Variants in CDKN2A observed in about 807,000 individuals in gnomAD.
CDKN2A encodes cyclin dependent kinase inhibitor 2A.
CDKN2A carries 3 observed loss-of-function variants against 11.1 expected under a neutral mutation model. The ratio of observed to expected loss-of-function variants is 0.27; its 90% CI spans 0.12 to 0.70. The LOEUF is 0.70. Among genes scored for constraint, CDKN2A ranks in the 30% least tolerant of loss-of-function variants. CDKN2A has a pLI of 0.77. For synonymous variants in CDKN2A, 122 were observed against 108.1 expected, an observed-to-expected ratio of 1.13 and a Z score of -0.80; for missense variants, 265 against 233.6, an observed-to-expected ratio of 1.13 and a Z score of -0.88.
exon 2 of CDKN2A, chr9:21,994,039 T>A: frequency 7.3e-7 from 1 of 1,363,128 alleles, no homozygotes; most frequent in South Asian, 1.2e-5. Context: ...TATCTCCTCC[T>A]CCTCCTAGCC....
intron 1 of CDKN2A, among the ~76,000 whole-genome samples, chr9:21,973,818 T>C (rs186070550): frequency 1.1e-4 from 17 of 152,276 alleles, no homozygotes; most frequent in Admixed American, 9.8e-4. Context: ...AGCAAACATA[T>C]ATTTATTTGC....
intron 2 of CDKN2A, among the ~76,000 whole-genome samples, chr9:21,985,484 TA>T (rs1399541556): frequency 4.0e-5 from 6 of 151,748 alleles, no homozygotes; most frequent in Non-Finnish European, 8.8e-5. Context: ...AAAGAATTTT[TA>T]GAAAATTGTT....
intron 2 of CDKN2A, among the ~76,000 whole-genome samples, chr9:21,980,056 T>A (rs946573908): frequency 6.6e-6 from 1 of 152,184 alleles, no homozygotes; most frequent in African/African-American, 2.4e-5. Context: ...ATAAGCAAGA[T>A]GATTTTGTTA....
upstream of CDKN2A, chr9:21,975,144 C>T: frequency 8.3e-7 from 1 of 1,204,858 alleles, no homozygotes; most frequent in Non-Finnish European, 1.0e-6. Context: ...CCAGAGCCAG[C>T]GTTGGCAAGG....
chr9:21,981,392 A>C (rs970000386), intron 2 of CDKN2A, among the ~76,000 whole-genome samples: 11 of 151,662 alleles, frequency 7.3e-5, no homozygotes, highest in Non-Finnish European at 1.6e-4. Flanking sequence ...AGAATTCCTT[A>C]GGAAGTAGCT....
chr9:21,994,670 C>G, intron 1 of CDKN2A: 1 of 334,724 alleles, frequency 3.0e-6, no homozygotes, highest in Non-Finnish European at 5.4e-6. Flanking sequence ...CCTACCGCCA[C>G]TTTCCCGCCC....
rs1820425592 is a variant in CDKN2A at position 21,991,380 on chromosome 9, G to GTCTATTGTTCTCATATTTA, written c.-4+2501_-4+2502insTAAATATGAGAACAATAGA. ...CCAAGACAATTCTTCTTCTTCCTAT[G>GTCTATTGTTCTCATATTTA]TGGCCCAGGGAAGGTAAAAGATTGA... is the stretch of plus-strand genomic sequence containing the variant. On this transcript the variant is annotated intron_variant, in intron 2 of 3. Transcript: ENST00000494262. This position sits in a 1 kb window ranked among gnomAD's most constrained non-coding sequence, Gnocchi z 5.2. Among the ~76,000 whole-genome samples, 1 of 150,216 alleles carries GTCTATTGTTCTCATATTTA rather than the reference G, an allele frequency of 6.7e-6. No homozygotes were observed. Among genetic ancestry groups the GTCTATTGTTCTCATATTTA allele is most frequent in the Admixed American group, 6.6e-5 (1 of 15,070 alleles).
intron 2 of CDKN2A, chr9:21,989,426 A>T (rs899549934): frequency 2.6e-5 from 4 of 152,136 alleles, no homozygotes; most frequent in Non-Finnish European, 5.9e-5. Flanking sequence ...CTGCAATATA[A>T]GAAGAAAACA....
rs557588424 is a variant in CDKN2A at position 21,981,941 on chromosome 9, A to C, written c.-3-10733T>G. Among the ~76,000 whole-genome samples the C allele has an allele frequency of 2.0e-5, 3 of 152,326 alleles. No homozygotes were observed. In the South Asian group the frequency reaches 6.2e-4, roughly 32 times the overall value. The stretch of plus-strand genomic sequence containing the variant: ...CCTCCAAACAGATTTGCTAAGAAAA[A>C]ACAATGTGTCCCTGGGAGTAGATCT... On this transcript the variant is annotated intron_variant, in intron 2 of 3. Transcript: ENST00000494262.
chr9:21,994,489 G>C, intron 1 of CDKN2A: 1 of 1,448,344 alleles, frequency 6.9e-7, no homozygotes, highest in Non-Finnish European at 9.0e-7. Flanking sequence ...CCTTCCCTGA[G>C]CGCGCCCGCC....
Position 21,991,981 on chromosome 9 carries a change from T to C in CDKN2A, c.-4+1901A>G. 1.0e-6 allele frequency: 1 copy of C among 983,186 alleles called. No individual in the cohort carries two copies. The highest frequency in any genetic ancestry group is 1.2e-6 in the Non-Finnish European group (1 of 827,864). 60.9% of individuals were successfully genotyped at this position (983,186 alleles called of 1,614,324 possible). A position where few individuals can be genotyped will look rare whatever the true frequency, so the allele number is the denominator to read the frequency against. On this transcript the variant is annotated intron_variant, in intron 2 of 3. Coordinates refer to the CDKN2A transcript ENST00000494262. The surrounding 1 kb of genome is among the most constrained non-coding windows in gnomAD (Gnocchi z 5.2). The stretch of plus-strand genomic sequence containing the variant: ...AATATTTAACTTCATAATAAAAATA[T>C]GACTATTTTGTAAATGCACCAAGGT...
exon 2 of CDKN2A, chr9:21,993,932 T>TG (rs1820511749): frequency 1.6e-6 from 1 of 631,498 alleles, no homozygotes; most frequent in South Asian, 1.8e-5. Context: ...TTCCCACGAT[T>TG]GAGGGGCTGT....
rs1471079871 is a variant in CDKN2A, at chr9:21,968,235, G to C, written c.465C>G (p.Pro155=). 3 of 1,613,850 alleles carry C rather than the reference G, an allele frequency of 1.9e-6. No individual in the cohort carries two copies. Among genetic ancestry groups the C allele is most frequent in the African/African-American group, 2.7e-5 (2 of 74,992 alleles). The change falls in exon 3 of 3, where the codon CCC becomes CCG. Residue 155 remains proline (P), a synonymous_variant. Coordinates refer to ENST00000304494, the MANE Select transcript of CDKN2A (RefSeq NM_000077.5). The surrounding 1 kb of genome is among the most constrained non-coding windows in gnomAD (Gnocchi z 4.7). ...CAGAGCCTCTCTGGTTCTTTCAATC[G>C]GGGATGTCTGCAGAGGGCAGAAAGA... The part of the protein sequence containing the change: ...IDAAEGPSDI[P]D
intron 2 of CDKN2A, among the ~76,000 whole-genome samples, chr9:21,969,330 G>T (rs1819576466): frequency 6.6e-6 from 1 of 152,170 alleles, no homozygotes; most frequent in Non-Finnish European, 1.5e-5. Flanking sequence ...TGAGGCTGCA[G>T]TGAGCTGTGA....
In CDKN2A at chr9:21,970,927, G is replaced by A. The variant is rs2131091852; in HGVS notation, c.432C>T (p.Arg144=). The A allele has an allele frequency of 6.2e-7, 1 of 1,612,512 alleles. No individual in the cohort carries two copies. Among genetic ancestry groups the A allele is most frequent in the Non-Finnish European group, 8.5e-7 (1 of 1,180,028 alleles). The change falls in exon 2 of 3, where the codon CGC becomes CGT. Residue 144 remains arginine, a synonymous_variant. Transcript: ENST00000304494. ...CTGAGGGACCTTCCGCGGCATCTAT[G>A]CGGGCATGGTTACTGCCTCTGGTGC... is the stretch of plus-strand genomic sequence containing the variant. ...AGGTRGSNHA[R]IDAAEGPSDI...
At chr9:21,981,824 T>C (rs1290353451) in intron 2 of CDKN2A, among the ~76,000 whole-genome samples, 1 of 152,120 alleles carries the variant, frequency 6.6e-6, no homozygotes, top group Admixed American at 6.5e-5. Context: ...CTTTCTTAGG[T>C]AAATAATTGC....
chr9:21,975,689 G>C (rs576380384), upstream of CDKN2A, among the ~76,000 whole-genome samples: 1 of 152,186 alleles, frequency 6.6e-6, no homozygotes, highest in Non-Finnish European at 1.5e-5. Flanking sequence ...GGACGGGGGA[G>C]AATTCTGCCT....
chr9:21,974,702 A>G lies in CDKN2A; in HGVS notation c.126T>C (p.Asn42=), dbSNP rs1587339638. ...CCTGGATCGGCCTCCGACCGTAACTATTCGGTGCGTTGGGCAGCGCCCCCG... is the reference window on the plus strand; with the variant it reads ...CCTGGATCGGCCTCCGACCGTAACTGTTCGGTGCGTTGGGCAGCGCCCCCG... ...LEAGALPNAP[N]SYGRRPIQVM... The change falls in exon 1 of 3, where the codon AAT becomes AAC. Residue 42 remains asparagine (N), a synonymous_variant. Coordinates refer to ENST00000304494, the MANE Select transcript of CDKN2A (RefSeq NM_000077.5). This position sits in a 1 kb window ranked among gnomAD's most constrained non-coding sequence, Gnocchi z 5.2. The G allele has an allele frequency of 1.9e-6, 3 of 1,613,472 alleles. No homozygotes were observed. The highest frequency in any genetic ancestry group is 8.5e-7 in the Non-Finnish European group (1 of 1,179,930).
At position 21,980,992 on chromosome 9, in the gene CDKN2A, A is replaced by G. The variant is rs375048311; in HGVS notation, c.-3-9784T>C. Among the ~76,000 whole-genome samples the G allele has an allele frequency of 5.0e-3, 77 of 15,320 alleles. 6 individuals are homozygous for G. Among genetic ancestry groups the G allele is most frequent in the African/African-American group, 0.02 (65 of 3,202 alleles). The allele number at this position is 15,320 out of a possible 152,430, so 10.1% of individuals were successfully genotyped here. On this transcript the variant is annotated intron_variant, in intron 2 of 3. Transcript: ENST00000494262. ...AAAATGTATATATATATATACACGT[A>G]TATATATATACGTGTATATATATAT... is the stretch of plus-strand genomic sequence containing the variant.
Sources: gnomAD v4.1 joint callset for allele counts (sites outside exome capture counted in the v4.1 genomes callset) on GRCh38, gnomAD v4.1.1 for gene constraint, Gnocchi (gnomAD v3.1) non-coding constraint, MANE v1.5 for transcripts, NCBI Gene and HGNC (gene_info 2026-07-23, HGNC 2026-07-21) for gene names.